PCDHGA1: variants seen among roughly 807,000 people sequenced by gnomAD.
The protein encoded by PCDHGA1 is protocadherin gamma-A1.
In PCDHGA1, 32 loss-of-function variants were observed where a neutral mutation model predicts 58.0. The observed-to-expected ratio is 0.55, with a 90% CI of 0.42 to 0.74. The LOEUF (loss-of-function observed/expected upper bound fraction) is 0.74, where lower values mean the gene tolerates loss of function less well. Ranked by LOEUF, PCDHGA1 falls within the 30% of genes least tolerant of loss-of-function variation. The probability of loss-of-function intolerance (pLI) is 0.00; values close to 1 mark genes in which losing one functional copy is unlikely to be tolerated. For missense variants in PCDHGA1, 1,205 were observed against 1,182.3 expected (o/e 1.02, Z -0.28); for synonymous variants, 498 against 501.1 (o/e 0.99, Z 0.08).
intron 1 of PCDHGA1, chr5:141,398,999 A>C: frequency 6.2e-7 from 1 of 1,613,964 alleles, no homozygotes; most frequent in East Asian, 2.2e-5. Context: ...TTTAGTCTGA[A>C]TTCAAAGAGC....
At chr5:141,377,212 G>A (rs1390877095) in intron 1 of PCDHGA1, 4 of 151,992 alleles carry the variant, frequency 2.6e-5, no homozygotes, top group African/African-American at 4.8e-5. Context: ...AGTACATCTC[G>A]TTTCTTAGGT....
intron 2 of PCDHGA1, 99 bp downstream of exon 2, chr5:141,494,964 G>A (rs2099757882): frequency 1.3e-6 from 2 of 1,594,380 alleles, no homozygotes; most frequent in Non-Finnish European, 8.5e-7. Context: ...GCTACAGATG[G>A]CTTCTCCCTC....
chr5:141,361,482 C>A (rs759187963), intron 1 of PCDHGA1: 4 of 1,613,988 alleles, frequency 2.5e-6, no homozygotes, highest in Non-Finnish European at 3.4e-6. Flanking sequence ...ACGATAATGC[C>A]CCAGTTTTCC....
At chr5:141,461,278 C>T (rs2099012353) in intron 1 of PCDHGA1, among the ~76,000 whole-genome samples, 1 of 152,086 alleles carries the variant, frequency 6.6e-6, no homozygotes, top group South Asian at 2.1e-4. Context: ...GTTCTCTTTT[C>T]CCCACATCCA....
At chr5:141,374,549 G>C in intron 1 of PCDHGA1, 1 of 1,613,404 alleles carries the variant, frequency 6.2e-7, no homozygotes, top group Non-Finnish European at 8.5e-7. Flanking sequence ...TCCACTAATG[G>C]AGGTCTATGA....
At position 141,384,238 on chromosome 5, in the gene PCDHGA1, G is replaced by A. The variant is rs1779876859; in HGVS notation, c.2421+51133G>A. ...ATTCATGCAGGTGGCAGACACCAAC[G>A]ATAACCCACCCACCTTCCCCCACTC... On this transcript the variant is annotated intron_variant, in intron 1 of 3. Coordinates refer to ENST00000517417, the MANE Select transcript of PCDHGA1 (RefSeq NM_018912.3). 1 of 1,613,838 alleles carries A rather than the reference G, an allele frequency of 6.2e-7. No individual in the cohort carries two copies. Among genetic ancestry groups the A allele is most frequent in the Non-Finnish European group, 8.5e-7 (1 of 1,179,886 alleles).
intron 1 of PCDHGA1, chr5:141,409,515 T>C (rs1273041163): frequency 5.0e-6 from 8 of 1,613,844 alleles, no homozygotes; most frequent in Non-Finnish European, 6.8e-6. Context: ...AGTAGAAGCA[T>C]CACCTTGTAT....
intron 1 of PCDHGA1, chr5:141,422,014 C>A: frequency 6.2e-7 from 1 of 1,610,158 alleles, no homozygotes; most frequent in Non-Finnish European, 8.5e-7. Flanking sequence ...AACTCGGGTG[C>A]TGATGGTTAA....
At chr5:141,344,519 A>T in intron 1 of PCDHGA1, 1 of 1,613,986 alleles carries the variant, frequency 6.2e-7, no homozygotes. Flanking sequence ...ACCCAGATGT[A>T]GGCATTAACT....
intron 1 of PCDHGA1, chr5:141,402,866 T>A (rs1339290452): frequency 4.2e-6 from 6 of 1,442,196 alleles, no homozygotes; most frequent in Non-Finnish European, 5.5e-6. Context: ...AAGGAAAAGA[T>A]CACCATACTT....
chr5:141,424,087 A>C, intron 1 of PCDHGA1: 1 of 933,106 alleles, frequency 1.1e-6, no homozygotes, highest in Non-Finnish European at 1.3e-6. Flanking sequence ...TTCCACCATT[A>C]TTTGCTATTA....
chr5:141,356,951 C>G (rs754711250), intron 1 of PCDHGA1: 1 of 1,614,230 alleles, frequency 6.2e-7, no homozygotes, highest in Non-Finnish European at 8.5e-7. Context: ...TCCGCAGATT[C>G]CGGCTACCTG....
chr5:141,418,618 A>T, intron 1 of PCDHGA1: 5 of 1,614,046 alleles, frequency 3.1e-6, no homozygotes, highest in Non-Finnish European at 4.2e-6. Context: ...GCCTTCGGGA[A>T]GACGTGCCTC....
chr5:141,439,459 A>T (rs558086952), intron 1 of PCDHGA1, among the ~76,000 whole-genome samples: 1 of 152,340 alleles, frequency 6.6e-6, no homozygotes, highest in African/African-American at 2.4e-5. Flanking sequence ...GCAAGACTGC[A>T]CTGCTGCCTT....
chr5:141,352,501 C>G (rs772755481), intron 1 of PCDHGA1: 10 of 1,614,010 alleles, frequency 6.2e-6, no homozygotes, highest in South Asian at 5.5e-5. Context: ...TGCCCTATTC[C>G]TACAATCTAT....
At chr5:141,342,244 C>T (rs1482294066) in intron 1 of PCDHGA1, 2 of 152,188 alleles carry the variant, frequency 1.3e-5, no homozygotes, top group African/African-American at 4.8e-5. Flanking sequence ...GAACCAACTT[C>T]TTTATACATC....
chr5:141,488,885 T>C (rs1401230063), intron 1 of PCDHGA1, among the ~76,000 whole-genome samples: 1 of 152,194 alleles, frequency 6.6e-6, no homozygotes, highest in Admixed American at 6.5e-5. Flanking sequence ...GAAGCTTCTG[T>C]GACACAGATT....
At chr5:141,392,465 C>A (rs2092539675) in intron 1 of PCDHGA1, 2 of 174,278 alleles carry the variant, frequency 1.1e-5, no homozygotes, top group Admixed American at 6.2e-5. Flanking sequence ...ACGGATAAAT[C>A]AAATAAATTC....
intron 1 of PCDHGA1, chr5:141,379,315 A>T (rs1364362567): frequency 1.3e-5 from 2 of 152,242 alleles, no homozygotes; most frequent in Non-Finnish European, 2.9e-5. Context: ...TAAACAAGAG[A>T]TCTAATCATA....
Sources: gnomAD v4.1 joint callset for allele counts (sites outside exome capture counted in the v4.1 genomes callset) on GRCh38, gnomAD v4.1.1 for gene constraint, MANE v1.5 for transcripts, NCBI Gene and HGNC (gene_info 2026-07-23, HGNC 2026-07-21) for gene names.